ZDHHC21: variants seen among roughly 807,000 people sequenced by gnomAD.
ZDHHC21 encodes palmitoyltransferase ZDHHC21.
Under a neutral mutation model 34.6 loss-of-function variants are expected in ZDHHC21, and 15 were observed. The observed-to-expected ratio is 0.43, with a 90% CI of 0.29 to 0.67. The LOEUF (loss-of-function observed/expected upper bound fraction) is 0.67. Among genes scored for constraint, ZDHHC21 ranks in the 30% least tolerant of loss-of-function variants. The pLI, the probability that ZDHHC21 is intolerant of heterozygous loss-of-function variation, is 0.14. For missense variants in ZDHHC21, 344 were observed against 327.7 expected (o/e 1.05, Z -0.38); for synonymous variants, 142 against 101.8 (o/e 1.40, Z -2.38).
In ZDHHC21 at chr9:14,628,870, G is replaced by A. The variant is rs185785071; in HGVS notation, c.622-9188C>T. On this transcript the variant is annotated intron_variant, in intron 8 of 9. Transcript: ENST00000380916. ...TTCATTCGATTTAAAATTAAACACC[G>A]AATGCATTAGACTTTTAAATAATCA... Among the ~76,000 whole-genome samples, 478 of 152,088 alleles carry A rather than the reference G, an allele frequency of 3.1e-3. 3 individuals carry two copies. Among genetic ancestry groups the A allele is most frequent in the Middle Eastern group, 0.014 (4 of 292 alleles).
intron 8 of ZDHHC21, among the ~76,000 whole-genome samples, chr9:14,620,654 T>C (rs1825148656): frequency 6.6e-6 from 1 of 152,024 alleles, no homozygotes; most frequent in Non-Finnish European, 1.5e-5. Flanking sequence ...CCAATGATGC[T>C]AATAAACAGC....
chr9:14,642,133 G>T (rs1178814775), intron 7 of ZDHHC21, among the ~76,000 whole-genome samples: 1 of 151,900 alleles, frequency 6.6e-6, no homozygotes, highest in Non-Finnish European at 1.5e-5. Flanking sequence ...TATTCATTTG[G>T]TTATACATTT....
In ZDHHC21 at chr9:14,688,307, A is replaced by C. The variant is rs911146043; in HGVS notation, c.-176+2030T>G. On this transcript the variant is annotated intron_variant, in intron 2 of 9. Transcript: ENST00000380916. ...GCAAAGCAGCGCCTCCAAAATGCTA[A>C]CTTTACAGGGGAGCGAAGGAGAGAG... Among the ~76,000 whole-genome samples, 4 of 150,948 alleles carry C rather than the reference A, an allele frequency of 2.6e-5. No individual in the cohort carries two copies. In the South Asian group the frequency reaches 6.2e-4, roughly 23 times the overall value.
chr9:14,607,888 G>A (rs938438021), downstream of ZDHHC21, among the ~76,000 whole-genome samples: 22 of 152,190 alleles, frequency 1.4e-4, no homozygotes, highest in African/African-American at 2.4e-4. Flanking sequence ...ACTTTCAAAC[G>A]TAAAAAATGT....
chr9:14,650,448 T>G (rs931868142), intron 7 of ZDHHC21, among the ~76,000 whole-genome samples: 46 of 151,990 alleles, frequency 3.0e-4, no homozygotes, highest in Non-Finnish European at 5.4e-4. Context: ...AAGCTAAATG[T>G]GTATTTTAGC....
intron 8 of ZDHHC21, among the ~76,000 whole-genome samples, chr9:14,626,352 G>T (rs1163690524): frequency 6.6e-6 from 1 of 151,866 alleles, no homozygotes; most frequent in Non-Finnish European, 1.5e-5. Context: ...ATAATAAAAT[G>T]AATATCTAGG....
intron 6 of ZDHHC21, among the ~76,000 whole-genome samples, chr9:14,659,555 T>A (rs1023226819): frequency 4.6e-5 from 7 of 152,232 alleles, no homozygotes; most frequent in African/African-American, 1.4e-4. Context: ...CCAAATTTAT[T>A]GTATCCAAAT....
downstream of ZDHHC21, among the ~76,000 whole-genome samples, chr9:14,607,628 G>T (rs75239141): frequency 6.6e-6 from 1 of 151,644 alleles, no homozygotes; most frequent in Non-Finnish European, 1.5e-5. Context: ...GGCTGGGGGC[G>T]GGGGGGAAGT....
intron 3 of ZDHHC21, among the ~76,000 whole-genome samples, chr9:14,674,893 A>G (rs1486244274): frequency 6.6e-6 from 1 of 152,020 alleles, no homozygotes; most frequent in East Asian, 1.9e-4. Flanking sequence ...GAAACGTTCC[A>G]TATCTTGACC....
chr9:14,630,034 G>C (rs541480997), intron 8 of ZDHHC21, among the ~76,000 whole-genome samples: 2 of 152,220 alleles, frequency 1.3e-5, no homozygotes, highest in South Asian at 2.1e-4. Flanking sequence ...GACAGAGAGA[G>C]ACTCCATCCC....
At chr9:14,661,015 G>C (rs190631852) in intron 6 of ZDHHC21, among the ~76,000 whole-genome samples, 166 of 152,106 alleles carry the variant, frequency 1.1e-3, no homozygotes, top group African/African-American at 4.0e-3. Context: ...AAAATTACTT[G>C]GGAATTAATC....
chr9:14,682,452 C>A (rs1307656284), intron 2 of ZDHHC21, among the ~76,000 whole-genome samples: 1 of 152,186 alleles, frequency 6.6e-6, no homozygotes, highest in Admixed American at 6.5e-5. Context: ...AAGGCCATTA[C>A]ATAATGGTAA....
At chr9:14,638,807 A>C (rs1828764915) in intron 8 of ZDHHC21, among the ~76,000 whole-genome samples, 1 of 152,146 alleles carries the variant, frequency 6.6e-6, no homozygotes, top group Non-Finnish European at 1.5e-5. Flanking sequence ...TCAAAACCAC[A>C]ATAACATATC....
chr9:14,689,911 G>A (rs1401567589), intron 2 of ZDHHC21, among the ~76,000 whole-genome samples: 2 of 152,002 alleles, frequency 1.3e-5, no homozygotes, highest in African/African-American at 2.4e-5. Flanking sequence ...AAAATAGCTT[G>A]GGAGGTGTGG....
intron 7 of ZDHHC21, among the ~76,000 whole-genome samples, chr9:14,641,871 T>TG (rs1305531889): frequency 6.6e-6 from 1 of 152,228 alleles, no homozygotes; most frequent in Non-Finnish European, 1.5e-5. Flanking sequence ...TCCTTTTAAG[T>TG]GTCACAGACA....
chr9:14,613,407 G>A lies in ZDHHC21; in HGVS notation c.*5559C>T, dbSNP rs909675640. On this transcript the variant is annotated 3_prime_UTR_variant, in exon 10 of 10. Coordinates refer to ENST00000380916, the MANE Select transcript of ZDHHC21 (RefSeq NM_178566.6). Reference sequence around the variant, plus strand: ...AAAACACGAACTTCAGGCACCAGTAGGTTAAAATATCATCCAATGTATACT... The same window carrying A: ...AAAACACGAACTTCAGGCACCAGTAAGTTAAAATATCATCCAATGTATACT... 1.3e-4 allele frequency: 20 copies of A among 151,738 alleles called. No individual in the cohort carries two copies. Among genetic ancestry groups the A allele is most frequent in the Admixed American group, 7.3e-4 (11 of 15,164 alleles). 9.4% of individuals were successfully genotyped at this position (151,738 alleles called of 1,614,324 possible).
downstream of ZDHHC21, among the ~76,000 whole-genome samples, chr9:14,610,698 A>G (rs1295017237): frequency 6.6e-6 from 1 of 151,972 alleles, no homozygotes; most frequent in Non-Finnish European, 1.5e-5. Context: ...GTGTAAACTT[A>G]AAGTTTCTGC....
downstream of ZDHHC21, among the ~76,000 whole-genome samples, chr9:14,607,333 G>C (rs573662409): frequency 1.3e-5 from 2 of 152,120 alleles, no homozygotes; most frequent in Non-Finnish European, 2.9e-5. Context: ...TGAGCCAGGA[G>C]GTGGAGGCTG....
intron 5 of ZDHHC21, among the ~76,000 whole-genome samples, chr9:14,663,924 A>G (rs1833871680): frequency 6.6e-6 from 1 of 152,188 alleles, no homozygotes; most frequent in South Asian, 2.1e-4. Context: ...ACAATGTCAC[A>G]AGCATATCAT....
Sources: gnomAD v4.1 joint callset for allele counts (sites outside exome capture counted in the v4.1 genomes callset) on GRCh38, gnomAD v4.1.1 for gene constraint, MANE v1.5 for transcripts, NCBI Gene and HGNC (gene_info 2026-07-23, HGNC 2026-07-21) for gene names.